NGLY1: variants seen among roughly 807,000 people sequenced by gnomAD.
NGLY1 encodes the protein peptide-N(4)-(N-acetyl-beta-glucosaminyl)asparagine amidase.
Under a neutral mutation model 84.6 loss-of-function variants are expected in NGLY1, and 68 were observed. The ratio of observed to expected loss-of-function variants is 0.80; its 90% confidence interval spans 0.66 to 0.98. NGLY1 has a LOEUF of 0.98. Ranked by LOEUF, NGLY1 falls within the 50% of genes least tolerant of loss-of-function variation. NGLY1 has a pLI of 0.00. For synonymous variants in NGLY1, 280 were observed against 275.2 expected, an observed-to-expected ratio of 1.02 and a Z score of -0.17; for missense variants, 779 against 770.2, an observed-to-expected ratio of 1.01 and a Z score of -0.14.
At chr3:25,786,575 T>G (rs903866996), upstream of NGLY1, among the ~76,000 whole-genome samples, 1 of 152,154 alleles carries the variant, frequency 6.6e-6, no homozygotes, top group Non-Finnish European at 1.5e-5. Context: ...TTGACTGAAG[T>G]GGGGGAAGCA....
At chr3:25,776,129 C>T (rs1389329850) in intron 2 of NGLY1, among the ~76,000 whole-genome samples, 1 of 152,178 alleles carries the variant, frequency 6.6e-6, no homozygotes, top group Non-Finnish European at 1.5e-5. Context: ...GAGACTGTGA[C>T]TCCATTTGCA....
chr3:25,765,453 C>CAA (rs939891781), intron 2 of NGLY1, among the ~76,000 whole-genome samples: 24 of 58,200 alleles, frequency 4.1e-4, no homozygotes, highest in African/African-American at 1.1e-3. Context: ...GACTCAGTCT[C>CAA]AAAAAAAAAA....
At position 25,733,900 on chromosome 3, in the gene NGLY1, C is replaced by T. The variant is rs142766875; in HGVS notation, c.1232G>A (p.Arg411Gln). Residue 411 changes from arginine (R) to glutamine (Q), a missense_variant, in exon 8 of 12, where the codon CGA (arginine) becomes CAA (glutamine). Transcript: ENST00000280700. ...RRTKVKEALL[R>Q]DTINGLNKQR... is the part of the protein sequence containing the mutation. ...CTTATTAAGCCCATTAATAGTGTCT[C>T]GAAGTAATGCTTCTTTAACCTTAGT... 82 of 1,613,588 alleles carry T rather than the reference C, an allele frequency of 5.1e-5. No homozygotes were observed. The highest frequency in any genetic ancestry group is 4.3e-4 in the African/African-American group (32 of 74,998).
At chr3:25,723,930 C>T (rs116260388) in intron 10 of NGLY1, among the ~76,000 whole-genome samples, 195 of 152,292 alleles carry the variant, frequency 1.3e-3, no homozygotes, top group Non-Finnish European at 2.3e-3. Flanking sequence ...AGTGACCCAT[C>T]CTTGCTCCTT....
intron 6 of NGLY1, chr3:25,737,118 T>C (rs1042358210): frequency 9.8e-6 from 4 of 407,922 alleles, no homozygotes; most frequent in Non-Finnish European, 1.3e-5. Context: ...ATATTTATAG[T>C]GCAAAGCACC....
At chr3:25,733,834 T>G (rs375290096) in intron 8 of NGLY1, 38 bp downstream of exon 8, 1 of 1,430,262 alleles carries the variant, frequency 7.0e-7, no homozygotes, top group Non-Finnish European at 9.7e-7. Flanking sequence ...ACATAAAAAA[T>G]GTCAACTGTT....
chr3:25,734,095 C>A, intron 7 of NGLY1, 113 bp from the exon 8 acceptor site: 1 of 1,433,722 alleles, frequency 7.0e-7, no homozygotes, highest in Non-Finnish European at 9.3e-7. Context: ...GAGACGAAGT[C>A]TCGCTCTGTT....
chr3:25,738,101 A>G (rs1194147992), intron 5 of NGLY1, among the ~76,000 whole-genome samples: 1 of 152,202 alleles, frequency 6.6e-6, no homozygotes, highest in African/African-American at 2.4e-5. Flanking sequence ...TGTTTTGAAT[A>G]ATGTAAGATT....
intron 7 of NGLY1, chr3:25,735,681 G>A (rs1705778841): frequency 5.4e-6 from 1 of 185,096 alleles, no homozygotes; most frequent in Non-Finnish European, 1.1e-5. Context: ...CTACTCCTAG[G>A]CATTAAGCAA....
In NGLY1 at chr3:25,768,561, CTTT is replaced by C. The variant is rs752193155; in HGVS notation, c.247-4253_247-4251del. On this transcript the variant is annotated intron_variant, in intron 2 of 11. Coordinates refer to ENST00000280700, the MANE Select transcript of NGLY1 (RefSeq NM_018297.4). ...CTGGGCAAAGATTTCATAAGTAAGA[CTTT>C]TTTTTTTTTTTTTTTTTTTAGCGGA... is the stretch of plus-strand genomic sequence containing the variant. 1.0e-2 allele frequency among the ~76,000 whole-genome samples: 1,160 copies of C among 116,310 alleles called. 13 individuals are homozygous for C. Among genetic ancestry groups the C allele is most frequent in the African/African-American group, 0.027 (846 of 31,642 alleles). The allele number at this position is 116,310 out of a possible 152,430, so 76.3% of individuals were successfully genotyped here.
chr3:25,781,229 G>C (rs1159787371), intron 1 of NGLY1, among the ~76,000 whole-genome samples: 1 of 152,162 alleles, frequency 6.6e-6, no homozygotes, highest in Non-Finnish European at 1.5e-5. Context: ...GGGGTTACAG[G>C]TGTGAGCCAC....
rs141779196 is a variant in NGLY1, at chr3:25,719,925, C to A, written c.1789+89G>T. 2.5e-4 allele frequency: 291 copies of A among 1,172,554 alleles called. 1 individual carries two copies. In the African/African-American group the frequency reaches 4.1e-3, roughly 16 times the overall value. The allele number at this position is 1,172,554 out of a possible 1,614,324, so 72.6% of individuals were successfully genotyped here. On this transcript the variant is annotated intron_variant, in intron 11 of 11. Coordinates refer to ENST00000280700, the MANE Select transcript of NGLY1 (RefSeq NM_018297.4). Reference sequence around the variant, plus strand: ...AAATAGTATTAATAACTCTTAGGTACGAAAAAGAGCTACATCTCAAATAAG... The same window carrying A: ...AAATAGTATTAATAACTCTTAGGTAAGAAAAAGAGCTACATCTCAAATAAG...
At chr3:25,732,224 G>T in intron 9 of NGLY1, 95 bp downstream of exon 9, 2 of 1,051,274 alleles carry the variant, frequency 1.9e-6, no homozygotes, top group Non-Finnish European at 1.3e-6. Flanking sequence ...TTAACTGAAA[G>T]GTCATAGTCA....
In NGLY1 at chr3:25,755,568, C is replaced by T. The variant is rs56408871; in HGVS notation, c.493-4305G>A. The T allele has an allele frequency of 1.1e-4, 161 of 1,434,856 alleles. No homozygotes were observed. The African/African-American group carries it at 1.9e-3, about 17-fold the overall frequency. The allele number at this position is 1,434,856 out of a possible 1,614,324, so 88.9% of individuals were successfully genotyped here. A position where few individuals can be genotyped will look rare whatever the true frequency, so the allele number is the denominator to read the frequency against. ...TCCAACTAATCCCTCAATGATTGGGCCCAAAAATATTCTTATTCCCATCAA... is the reference window on the plus strand; with the variant it reads ...TCCAACTAATCCCTCAATGATTGGGTCCAAAAATATTCTTATTCCCATCAA... On this transcript the variant is annotated intron_variant, in intron 3 of 11. Transcript: ENST00000280700.
At position 25,779,780 on chromosome 3, in the gene NGLY1, A is replaced by C. The variant is rs193049427; in HGVS notation, c.132-1092T>G. Among the ~76,000 whole-genome samples, 43 of 152,370 alleles carry C rather than the reference A, an allele frequency of 2.8e-4. No individual in the cohort carries two copies. In the East Asian group the frequency reaches 8.1e-3, roughly 29 times the overall value. On this transcript the variant is annotated intron_variant, in intron 1 of 11. Transcript: ENST00000280700. ...TTCACCAGTCAATTGCCTATTGGCCAAAGTGTCATAAATACTAAATGAATG... is the reference window on the plus strand; with the variant it reads ...TTCACCAGTCAATTGCCTATTGGCCCAAGTGTCATAAATACTAAATGAATG...
Position 25,764,195 on chromosome 3 carries a change from T to C in NGLY1, c.363A>G (p.Lys121=). ...SRLDGSNKSH[K]VKSSQQPAAS... Reference sequence around the variant, plus strand: ...CTGCAGGTTGCTGAGATGACTTTACTTTGTGGCTCTTATTTGAGCCATCCA... The same window carrying C: ...CTGCAGGTTGCTGAGATGACTTTACCTTGTGGCTCTTATTTGAGCCATCCA... The change falls in exon 3 of 12, where the codon AAA becomes AAG. Residue 121 remains lysine (K), a synonymous_variant. Coordinates refer to ENST00000280700, the MANE Select transcript of NGLY1 (RefSeq NM_018297.4). 2 of 1,614,196 alleles carry C rather than the reference T, an allele frequency of 1.2e-6. No homozygotes were observed. Among genetic ancestry groups the C allele is most frequent in the African/African-American group, 2.7e-5 (2 of 75,052 alleles).
chr3:25,773,477 ATTGT>A (rs1226062399), intron 2 of NGLY1, among the ~76,000 whole-genome samples: 4 of 152,054 alleles, frequency 2.6e-5, no homozygotes, highest in Admixed American at 2.6e-4. Flanking sequence ...AGAAGTTGTA[ATTGT>A]TTTTTATTTA....
intron 4 of NGLY1, among the ~76,000 whole-genome samples, chr3:25,750,872 C>T (rs1319531781): frequency 6.6e-6 from 1 of 152,130 alleles, no homozygotes; most frequent in Non-Finnish European, 1.5e-5. Context: ...TCCACACATA[C>T]TCATGTCTCA....
At chr3:25,734,175 C>T (rs1029944360) in intron 7 of NGLY1, 193 bp from the exon 8 acceptor site, 17 of 578,838 alleles carry the variant, frequency 2.9e-5, no homozygotes, top group Admixed American at 1.1e-4. Flanking sequence ...AAGAGATTCT[C>T]GTATCTCAGC....
Sources: gnomAD v4.1 joint callset for allele counts (sites outside exome capture counted in the v4.1 genomes callset) on GRCh38, gnomAD v4.1.1 for gene constraint, MANE v1.5 for transcripts, NCBI Gene and HGNC (gene_info 2026-07-23, HGNC 2026-07-21) for gene names.